The following PLEKHF1 variants were observed in gnomAD, a reference collection of about 807,000 sequenced individuals.
The protein encoded by PLEKHF1 is pleckstrin homology domain-containing family F member 1.
PLEKHF1 carries 1 observed loss-of-function variant against 4.1 expected under a neutral mutation model. That is an observed-to-expected ratio of 0.24 (90% CI 0.09 to 1.15). The LOEUF is 1.15. PLEKHF1 is among the 50% of genes most tolerant of loss of function. PLEKHF1 has a pLI of 0.52. For missense variants in PLEKHF1, 429 were observed against 400.6 expected, an observed-to-expected ratio of 1.07 and a Z score of -0.60; for synonymous variants, 182 against 178.5, an observed-to-expected ratio of 1.02 and a Z score of -0.16.
chr19:29,670,803 G>A (rs1167149904), intron 1 of PLEKHF1, among the ~76,000 whole-genome samples: 2 of 151,544 alleles, frequency 1.3e-5, no homozygotes, highest in Non-Finnish European at 2.9e-5. Context: ...TCAGCCTCCC[G>A]AGTAGCTGGG....
In PLEKHF1 at chr19:29,674,275, G is replaced by A. The variant is rs146355233; in HGVS notation, c.436G>A (p.Ala146Thr). 3.0e-4 allele frequency: 479 copies of A among 1,600,610 alleles called. No homozygotes were observed. The highest frequency in any genetic ancestry group is 3.8e-4 in the Non-Finnish European group (452 of 1,177,636). Residue 146 changes from alanine to threonine, a missense_variant, in exon 2 of 2, where the codon GCG becomes ACG. Ala to Thr is a moderately conservative substitution (Grantham distance 58, BLOSUM62 0). Transcript: ENST00000436066. ...GGGCCGCCCGCCCAGCACGGAGCAC[G>A]CGGCACCCTGGATCCCCGACAAGGC... ...ATGRPPSTEHAAPWIPDKATD... is the reference protein window; with the variant it reads ...ATGRPPSTEHTAPWIPDKATD...
chr19:29,670,917 C>T (rs1461185369), intron 1 of PLEKHF1, among the ~76,000 whole-genome samples: 1 of 151,936 alleles, frequency 6.6e-6, no homozygotes, highest in Non-Finnish European at 1.5e-5. Context: ...CTCATGATCC[C>T]CCCTCCTCGG....
intron 1 of PLEKHF1, among the ~76,000 whole-genome samples, chr19:29,673,193 G>A (rs1029502991): frequency 1.3e-5 from 2 of 152,158 alleles, no homozygotes; most frequent in African/African-American, 4.8e-5. Context: ...GGGTGGTTGC[G>A]TGGGTTGCAG....
Position 29,674,810 on chromosome 19 carries a change from C to T in PLEKHF1, c.*131C>T, listed in dbSNP as rs1053488600. ...GCAGGTGCAGCGGTGGGGAGTGGCT[C>T]TTTCTGGACTCCCAGTGCCTTTTTG... is the stretch of plus-strand genomic sequence containing the variant. On this transcript the variant is annotated 3_prime_UTR_variant, in exon 2 of 2. Transcript: ENST00000436066. 1.3e-5 allele frequency: 17 copies of T among 1,324,876 alleles called. No individual in the cohort carries two copies. The highest frequency in any genetic ancestry group is 2.7e-4 in the Middle Eastern group (1 of 3,638). The allele number at this position is 1,324,876 out of a possible 1,614,324, so 82.1% of individuals were successfully genotyped here.
intron 1 of PLEKHF1, among the ~76,000 whole-genome samples, chr19:29,669,369 T>G (rs1169760960): frequency 6.6e-6 from 1 of 152,206 alleles, no homozygotes; most frequent in Non-Finnish European, 1.5e-5. Flanking sequence ...AGCTACTGAA[T>G]GTGGAGGCTT....
chr19:29,665,461 A>T lies in PLEKHF1; in HGVS notation c.-61A>T. On this transcript the variant is annotated 5_prime_UTR_variant, in exon 1 of 2. Coordinates refer to ENST00000436066, the MANE Select transcript of PLEKHF1 (RefSeq NM_024310.5). ...GGCGGAGCGGGCGGGGACCCGGGCT[A>T]CTGCGGTGTGGACTCGAGGGCTGGG... 3.6e-6 allele frequency: 3 copies of T among 843,292 alleles called. No homozygotes were observed. Among genetic ancestry groups the T allele is most frequent in the Non-Finnish European group, 4.7e-6 (3 of 643,050 alleles). The allele number at this position is 843,292 out of a possible 1,614,324, so 52.2% of individuals were successfully genotyped here. A position where few individuals can be genotyped will look rare whatever the true frequency, so the allele number is the denominator to read the frequency against.
rs975944364 is a variant in PLEKHF1, at chr19:29,673,996, C to T, written c.157C>T (p.Arg53Cys). The T allele has an allele frequency of 1.9e-6, 3 of 1,613,968 alleles. No homozygotes were observed. Among genetic ancestry groups the T allele is most frequent in the African/African-American group, 2.7e-5 (2 of 74,938 alleles). Residue 53 changes from arginine (R) to cysteine (C), a missense_variant, in exon 2 of 2, where the codon CGC (arginine) becomes TGC (cysteine). Coordinates refer to ENST00000436066, the MANE Select transcript of PLEKHF1 (RefSeq NM_024310.5). The part of the protein sequence containing the change: ...TKECRKKAKP[R>C]IFFLFNDILV... Reference sequence around the variant, plus strand: ...AGAGTGCCGCAAGAAGGCCAAGCCGCGCATCTTCTTCCTCTTTAACGACAT... The same window carrying T: ...AGAGTGCCGCAAGAAGGCCAAGCCGTGCATCTTCTTCCTCTTTAACGACAT...
chr19:29,674,088 G>A lies in PLEKHF1; in HGVS notation c.249G>A (p.Glu83=). 6.2e-7 allele frequency: 1 copy of A among 1,614,074 alleles called. No homozygotes were observed. Among genetic ancestry groups the A allele is most frequent in the South Asian group, 1.1e-5 (1 of 91,090 alleles). Residue 83 remains glutamate, a synonymous_variant, in exon 2 of 2, where the codon GAG becomes GAA. Coordinates refer to ENST00000436066, the MANE Select transcript of PLEKHF1 (RefSeq NM_024310.5). ...KYRSQHIIPL[E]EVTLELLPET... is the part of the protein sequence containing the mutation. The stretch of plus-strand genomic sequence containing the variant: ...GCAGCCAGCACATCATCCCCCTGGA[G>A]GAGGTCACACTGGAGCTGTTGCCGG...
At chr19:29,668,278 C>G (rs1440678617) in intron 1 of PLEKHF1, among the ~76,000 whole-genome samples, 4 of 152,234 alleles carry the variant, frequency 2.6e-5, no homozygotes, top group African/African-American at 7.2e-5. Context: ...TACAGGCACT[C>G]AGGGCCCAGA....
chr19:29,665,886 C>T (rs1245554355), intron 1 of PLEKHF1: 1 of 857,150 alleles, frequency 1.2e-6, no homozygotes, highest in African/African-American at 1.8e-5. Flanking sequence ...CGTGTGGCCG[C>T]CGGGACCTCT....
At position 29,674,770 on chromosome 19, in the gene PLEKHF1, C is replaced by G. The variant is rs554554980; in HGVS notation, c.*91C>G. ...CCAGAAGCTGCCCAGGGCTCCGGGACCCCATCCCATGGTGGCAGGTGCAGC... is the reference window on the plus strand; with the variant it reads ...CCAGAAGCTGCCCAGGGCTCCGGGAGCCCATCCCATGGTGGCAGGTGCAGC... On this transcript the variant is annotated 3_prime_UTR_variant, in exon 2 of 2. Coordinates refer to ENST00000436066, the MANE Select transcript of PLEKHF1 (RefSeq NM_024310.5). The G allele has an allele frequency of 9.5e-6, 14 of 1,472,338 alleles. No homozygotes were observed. Among genetic ancestry groups the G allele is most frequent in the Non-Finnish European group, 1.1e-5 (12 of 1,111,338 alleles). The allele number at this position is 1,472,338 out of a possible 1,614,324, so 91.2% of individuals were successfully genotyped here. A position where few individuals can be genotyped will look rare whatever the true frequency, so the allele number is the denominator to read the frequency against.
At position 29,674,347 on chromosome 19, in the gene PLEKHF1, AC is replaced by A; in HGVS notation, c.509del (p.Thr170ArgfsTer190). ...CACGCAGACGCGCTTCTCTGCCCTC[AC>A]GAGGCGCCACCACTGCCGCAAGTGC... ...RCTQTRFSAL[T>X]RRHHCRKCGF... On this transcript the variant is annotated frameshift_variant, in exon 2 of 2. Coordinates refer to ENST00000436066, the MANE Select transcript of PLEKHF1 (RefSeq NM_024310.5). LOFTEE classifies it low-confidence loss of function (END_TRUNC). The A allele has an allele frequency of 6.4e-7, 1 of 1,551,216 alleles. No individual in the cohort carries two copies. Among genetic ancestry groups the A allele is most frequent in the Non-Finnish European group, 8.7e-7 (1 of 1,154,538 alleles).
chr19:29,668,731 A>G (rs1466181030), intron 1 of PLEKHF1, among the ~76,000 whole-genome samples: 2 of 151,966 alleles, frequency 1.3e-5, no homozygotes, highest in Admixed American at 6.5e-5. Context: ...GAAAAAAAAA[A>G]AAAAGAAAGA....
rs1350391707 is a variant in PLEKHF1 at position 29,674,564 on chromosome 19, C to G, written c.725C>G (p.Ser242Cys). 3 of 1,598,680 alleles carry G rather than the reference C, an allele frequency of 1.9e-6. No individual in the cohort carries two copies. Among genetic ancestry groups the G allele is most frequent in the Non-Finnish European group, 1.7e-6 (2 of 1,173,664 alleles). The part of the protein sequence containing the change: ...AHLARPICGA[S>C]SGDDDDSDED... ...CTGGCCCGGCCCATCTGCGGAGCGT[C>G]CAGTGGAGATGACGATGACTCCGAC... is the stretch of plus-strand genomic sequence containing the variant. Residue 242 changes from serine (S) to cysteine (C), a missense_variant, in exon 2 of 2, where the codon TCC becomes TGC. Coordinates refer to ENST00000436066, the MANE Select transcript of PLEKHF1 (RefSeq NM_024310.5).
chr19:29,674,103 G>A lies in PLEKHF1; in HGVS notation c.264G>A (p.Glu88=), dbSNP rs199994269. The change falls in exon 2 of 2, where the codon GAG becomes GAA. Residue 88 remains glutamate (E), a synonymous_variant. Transcript: ENST00000436066. ...HIIPLEEVTL[E]LLPETLQAKN... is the part of the protein sequence containing the mutation. ...TCCCCCTGGAGGAGGTCACACTGGAGCTGTTGCCGGAGACGCTGCAGGCCA... is the reference window on the plus strand; with the variant it reads ...TCCCCCTGGAGGAGGTCACACTGGAACTGTTGCCGGAGACGCTGCAGGCCA... The A allele has an allele frequency of 3.7e-5, 60 of 1,613,990 alleles. No individual in the cohort carries two copies. The East Asian group carries it at 1.3e-3, about 36-fold the overall frequency.
chr19:29,670,763 C>T (rs750372796), intron 1 of PLEKHF1, among the ~76,000 whole-genome samples: 2 of 151,776 alleles, frequency 1.3e-5, no homozygotes, highest in Non-Finnish European at 2.9e-5. Flanking sequence ...CTGCAAGCTC[C>T]GCCTGCTGGG....
intron 1 of PLEKHF1, among the ~76,000 whole-genome samples, chr19:29,670,832 C>T (rs1172404840): frequency 6.6e-6 from 1 of 151,072 alleles, no homozygotes; most frequent in Admixed American, 6.6e-5. Context: ...CGCTCGCCAC[C>T]ACACCAGGCT....
rs1470258660 is a variant in PLEKHF1, at chr19:29,674,190, G to A, written c.351G>A (p.Thr117=). ...KSFVVSAASA[T]ERQEWISHIE... ...TTGTGGTGTCGGCCGCCTCCGCTAC[G>A]GAGCGCCAGGAATGGATTAGCCACA... Residue 117 remains threonine, a synonymous_variant, in exon 2 of 2, where the codon ACG becomes ACA. Transcript: ENST00000436066. The A allele has an allele frequency of 5.0e-6, 8 of 1,613,006 alleles. No individual in the cohort carries two copies. The highest frequency in any genetic ancestry group is 3.3e-5 in the Admixed American group (2 of 60,002).
At chr19:29,670,077 ACATACCAC>A (rs1971613467) in intron 1 of PLEKHF1, among the ~76,000 whole-genome samples, 1 of 152,064 alleles carries the variant, frequency 6.6e-6, no homozygotes, top group South Asian at 2.1e-4. Flanking sequence ...GATTGTAGGT[ACATACCAC>A]CATCCCTGGC....
Sources: allele counts gnomAD v4.1 joint callset (sites outside exome capture counted in the v4.1 genomes callset), GRCh38; gene constraint gnomAD v4.1.1; transcripts MANE v1.5; gene names NCBI Gene and HGNC (gene_info 2026-07-23, HGNC 2026-07-21).